Variants in GFRAL observed in about 807,000 individuals in gnomAD.
GFRAL encodes the protein GDNF family receptor alpha like, also known as GDNF family receptor alpha-like.
In GFRAL, 36 loss-of-function variants were observed where a neutral mutation model predicts 45.4. The observed-to-expected ratio is 0.79, with a 90% CI of 0.61 to 1.05. The LOEUF is 1.05. Ranked by LOEUF, GFRAL falls within the 50% of genes least tolerant of loss-of-function variation. GFRAL has a pLI of 0.00. For synonymous variants in GFRAL, 166 were observed against 154.1 expected (o/e 1.08, Z -0.57); for missense variants, 507 against 467.5 (o/e 1.08, Z -0.78).
chr6:55,361,314 G>A (rs1340208606), intron 6 of GFRAL, among the ~76,000 whole-genome samples: 2 of 151,792 alleles, frequency 1.3e-5, no homozygotes, highest in African/African-American at 4.8e-5. Flanking sequence ...GGACTCAAAT[G>A]GACACCAAAA....
intron 6 of GFRAL, among the ~76,000 whole-genome samples, chr6:55,371,201 A>G (rs1278314030): frequency 1.3e-5 from 2 of 152,338 alleles, no homozygotes; most frequent in East Asian, 1.9e-4. Context: ...TATGGCCCAA[A>G]TATTACAATT....
chr6:55,378,721 A>G (rs80074623), intron 6 of GFRAL, among the ~76,000 whole-genome samples: 1 of 151,700 alleles, frequency 6.6e-6, no homozygotes, highest in Non-Finnish European at 1.5e-5. Flanking sequence ...TTGACCAAGC[A>G]ATTTACCACT....
chr6:55,398,327 A>G (rs1458838727), intron 6 of GFRAL, among the ~76,000 whole-genome samples: 1 of 152,174 alleles, frequency 6.6e-6, no homozygotes, highest in African/African-American at 2.4e-5. Context: ...CCTCTCTAAA[A>G]TGGGAGCTTT....
chr6:55,359,133 G>A lies in GFRAL; in HGVS notation c.947G>A (p.Cys316Tyr). The A allele has an allele frequency of 6.2e-7, 1 of 1,602,336 alleles. No homozygotes were observed. Among genetic ancestry groups the A allele is most frequent in the Non-Finnish European group, 8.5e-7 (1 of 1,174,054 alleles). Residue 316 changes from cysteine (C) to tyrosine (Y), a missense_variant, in exon 6 of 9, where the codon TGT becomes TAT. Cys to Tyr is a radical substitution (Grantham distance 194). Transcript: ENST00000340465. ...IFQHMLHRKS[C>Y]FNYPTLSNVK... ...CAGCACATGCTTCATAGAAAATCAT[G>A]TTTCAGTAAGTTCCCCAAATAAAAT...
intron 6 of GFRAL, among the ~76,000 whole-genome samples, chr6:55,365,799 C>A (rs1484097924): frequency 1.3e-5 from 2 of 150,280 alleles, no homozygotes; most frequent in Non-Finnish European, 3.0e-5. Context: ...CCCACTTGAT[C>A]ATGGTGGATA....
chr6:55,353,866 CAT>C (rs761598157), intron 5 of GFRAL, among the ~76,000 whole-genome samples: 65 of 151,580 alleles, frequency 4.3e-4, no homozygotes, highest in Non-Finnish European at 7.6e-4. Flanking sequence ...ATATCAAACA[CAT>C]GTGATTACAC....
At chr6:55,371,003 C>T (rs1206540212) in intron 6 of GFRAL, among the ~76,000 whole-genome samples, 1 of 152,304 alleles carries the variant, frequency 6.6e-6, no homozygotes. Flanking sequence ...AACACCCCTT[C>T]ACTTCGCCAT....
chr6:55,348,860 C>A (rs144856902), intron 3 of GFRAL, among the ~76,000 whole-genome samples: 1,991 of 152,232 alleles, frequency 0.013, 22 homozygotes, highest in Non-Finnish European at 0.022. Flanking sequence ...ACAGTAGTTT[C>A]TTGAATATAT....
intron 2 of GFRAL, among the ~76,000 whole-genome samples, chr6:55,332,937 A>T (rs1767849164): frequency 6.6e-6 from 1 of 152,132 alleles, no homozygotes; most frequent in Non-Finnish European, 1.5e-5. Flanking sequence ...GTTCTACAGC[A>T]TAATCTATAC....
chr6:55,381,695 C>T (rs1768609758), intron 6 of GFRAL, among the ~76,000 whole-genome samples: 1 of 151,728 alleles, frequency 6.6e-6, no homozygotes, highest in Admixed American at 6.6e-5. Context: ...AAGGTTCGAA[C>T]TCACTTTTGT....
At chr6:55,354,763 G>T (rs2127356152) in intron 5 of GFRAL, among the ~76,000 whole-genome samples, 1 of 151,942 alleles carries the variant, frequency 6.6e-6, no homozygotes, top group African/African-American at 2.4e-5. Flanking sequence ...TATCTTTTTT[G>T]CAGAAGAGCC....
At position 55,327,496 on chromosome 6, in the gene GFRAL, G is replaced by T. The variant is rs578261004; in HGVS notation, c.-59G>T. The T allele has an allele frequency of 1.4e-5, 22 of 1,591,536 alleles. No homozygotes were observed. The highest frequency in any genetic ancestry group is 1.9e-5 in the Non-Finnish European group (22 of 1,161,296). ...ATTCTGGACAGTTACTCTTAAGAAA[G>T]TTGTCAGAAGAAACGCATCTGCCTT... On this transcript the variant is annotated 5_prime_UTR_variant, in exon 1 of 9. Coordinates refer to ENST00000340465, the MANE Select transcript of GFRAL (RefSeq NM_207410.2).
chr6:55,363,862 A>T (rs1175522549), intron 6 of GFRAL, among the ~76,000 whole-genome samples: 1 of 151,296 alleles, frequency 6.6e-6, no homozygotes, highest in East Asian at 1.9e-4. Flanking sequence ...GTTGGTTCCA[A>T]GTCTTTGCTA....
intron 5 of GFRAL, among the ~76,000 whole-genome samples, chr6:55,356,625 G>A (rs1304132794): frequency 6.6e-6 from 1 of 151,636 alleles, no homozygotes; most frequent in African/African-American, 2.4e-5. Context: ...CTGATGGTTT[G>A]GAGATTTTAT....
intron 3 of GFRAL, among the ~76,000 whole-genome samples, chr6:55,341,715 A>G (rs1328792566): frequency 1.3e-5 from 2 of 152,218 alleles, no homozygotes; most frequent in African/African-American, 4.8e-5. Context: ...TCAGATGATC[A>G]AACTTCTCTG....
chr6:55,350,141 T>A lies in GFRAL; in HGVS notation c.366T>A (p.His122Gln). 1 of 1,527,508 alleles carries A rather than the reference T, an allele frequency of 6.5e-7. No individual in the cohort carries two copies. Among genetic ancestry groups the A allele is most frequent in the South Asian group, 1.1e-5 (1 of 89,108 alleles). 94.6% of individuals were successfully genotyped at this position (1,527,508 alleles called of 1,614,324 possible). A position where few individuals can be genotyped will look rare whatever the true frequency, so the allele number is the denominator to read the frequency against. The change falls in exon 4 of 9, where the codon CAT (histidine) becomes CAA (glutamine). Residue 122 changes from histidine to glutamine, a missense_variant. Coordinates refer to ENST00000340465, the MANE Select transcript of GFRAL (RefSeq NM_207410.2). ...KFKWNLTTRS[H>Q]HGFKGMWSCL... is the part of the protein sequence containing the mutation. ...AATGGAATCTAACTACACGTTCCCA[T>A]CATGGTAATGTTTTTAAGTTATTAT...
intron 6 of GFRAL, among the ~76,000 whole-genome samples, chr6:55,396,489 T>C (rs1270358698): frequency 2.0e-5 from 3 of 152,162 alleles, no homozygotes; most frequent in African/African-American, 7.2e-5. Flanking sequence ...CATAGCATCA[T>C]TTAAATAATT....
intron 6 of GFRAL, among the ~76,000 whole-genome samples, chr6:55,393,441 T>C (rs1264682824): frequency 1.3e-5 from 2 of 152,184 alleles, no homozygotes; most frequent in African/African-American, 2.4e-5. Flanking sequence ...TTGAATTTAC[T>C]GTGTCCCCTT....
chr6:55,388,219 C>T (rs1768704201), intron 6 of GFRAL, among the ~76,000 whole-genome samples: 1 of 151,192 alleles, frequency 6.6e-6, no homozygotes, highest in African/African-American at 2.5e-5. Flanking sequence ...TAGACACATG[C>T]TAGTGTCTTT....
Sources: gnomAD v4.1 joint callset for allele counts (sites outside exome capture counted in the v4.1 genomes callset) on GRCh38, gnomAD v4.1.1 for gene constraint, MANE v1.5 for transcripts, NCBI Gene and HGNC (gene_info 2026-07-23, HGNC 2026-07-21) for gene names.